Variants in CUX1 observed in about 807,000 individuals in gnomAD.
The protein encoded by CUX1 is cut like homeobox 1, also known as protein CASP.
In CUX1, 31 loss-of-function variants were observed where a neutral mutation model predicts 158.8. That is an observed-to-expected ratio of 0.20 (90% CI 0.15 to 0.26). CUX1 has a LOEUF of 0.26. Ranked by LOEUF, CUX1 falls within the 10% of genes least tolerant of loss-of-function variation. The pLI, the probability that CUX1 is intolerant of heterozygous loss-of-function variation, is 1.00. For synonymous variants in CUX1, 879 were observed against 862.1 expected, an observed-to-expected ratio of 1.02 and a Z score of -0.34; for missense variants, 1,589 against 2,014.6, an observed-to-expected ratio of 0.79 and a Z score of 4.04.
chr7:102,200,063 C>T lies in CUX1; in HGVS notation c.1961-8C>T, dbSNP rs781797718. The stretch of plus-strand genomic sequence containing the variant: ...GTTTGATGTCATTGGCGCAACTTCT[C>T]CCCACAGGTAACATCACCACCCGGA... On this transcript the variant is annotated splice_polypyrimidine_tract_variant and splice_region_variant and intron_variant, in intron 16 of 23. Coordinates refer to ENST00000292535, the MANE Select transcript of CUX1 (RefSeq NM_181552.4). The T allele has an allele frequency of 1.2e-6, 2 of 1,600,830 alleles. No individual in the cohort carries two copies. The highest frequency in any genetic ancestry group is 1.7e-6 in the Non-Finnish European group (2 of 1,175,212).
chr7:102,222,669 CTG>C (rs1797921677), intron 20 of CUX1, among the ~76,000 whole-genome samples: 1 of 151,976 alleles, frequency 6.6e-6, no homozygotes, highest in African/African-American at 2.4e-5. Flanking sequence ...TGTAGAAAAA[CTG>C]TGCCTGGGAA....
At chr7:102,176,212 A>T (rs1792307736) in intron 10 of CUX1, among the ~76,000 whole-genome samples, 1 of 152,214 alleles carries the variant, frequency 6.6e-6, no homozygotes. Flanking sequence ...CCCGAGGGAG[A>T]TATAAAACAT....
chr7:102,228,870 G>A (rs1015807199), intron 21 of CUX1, among the ~76,000 whole-genome samples: 12 of 152,140 alleles, frequency 7.9e-5, no homozygotes, highest in Admixed American at 7.2e-4. Context: ...GCGTCCACCC[G>A]GCAGTGCCAG....
chr7:102,208,791 C>T (rs949224836), intron 20 of CUX1, among the ~76,000 whole-genome samples: 1 of 152,214 alleles, frequency 6.6e-6, no homozygotes, highest in African/African-American at 2.4e-5. Flanking sequence ...ATGCTCCCTC[C>T]ATTGCTTGCC....
chr7:102,056,907 G>GTTT (rs35992811), intron 3 of CUX1, among the ~76,000 whole-genome samples: 6 of 142,910 alleles, frequency 4.2e-5, no homozygotes, highest in Non-Finnish European at 3.0e-5. Context: ...TTGTTTTCTG[G>GTTT]TTTTTTTTTT....
Position 102,255,834 on chromosome 7 carries a change from TTTA to T in CUX1, c.*6798_*6800del. 2 of 982,888 alleles carry T rather than the reference TTTA, an allele frequency of 2.0e-6. No homozygotes were observed. Among genetic ancestry groups the T allele is most frequent in the Non-Finnish European group, 1.2e-6 (1 of 827,680 alleles). The allele number at this position is 982,888 out of a possible 1,614,324, so 60.9% of individuals were successfully genotyped here. A position where few individuals can be genotyped will look rare whatever the true frequency, so the allele number is the denominator to read the frequency against. ...CCTTTTCCTTCTTCTTTTTTATTAT[TTTA>T]TTATTTTTTTTGTACTTTGCTTTAA... On this transcript the variant is annotated 3_prime_UTR_variant, in exon 24 of 24. Coordinates refer to ENST00000292535, the MANE Select transcript of CUX1 (RefSeq NM_181552.4).
At chr7:101,932,716 T>C in intron 2 of CUX1, 1 of 419,320 alleles carries the variant, frequency 2.4e-6, no homozygotes, top group Non-Finnish European at 4.9e-6. Flanking sequence ...AGGTATTTCA[T>C]ACGTATTTAA....
chr7:101,995,783 T>G (rs1815782137), intron 2 of CUX1, among the ~76,000 whole-genome samples: 1 of 152,140 alleles, frequency 6.6e-6, no homozygotes, highest in South Asian at 2.1e-4. Context: ...GGGAAGCAGC[T>G]TGCAGGAAGG....
At chr7:102,087,838 A>G (rs1321509021) in intron 4 of CUX1, among the ~76,000 whole-genome samples, 1 of 152,104 alleles carries the variant, frequency 6.6e-6, no homozygotes, top group Admixed American at 6.5e-5. Context: ...TCTATTTACC[A>G]TTTCCAGTGT....
intron 1 of CUX1, among the ~76,000 whole-genome samples, chr7:101,870,860 A>G (rs1798447170): frequency 6.6e-6 from 1 of 152,252 alleles, no homozygotes. Context: ...GAGTAATTTT[A>G]GAATAGATGC....
chr7:102,102,207 A>G (rs1288525872), intron 5 of CUX1, among the ~76,000 whole-genome samples: 2 of 151,480 alleles, frequency 1.3e-5, no homozygotes, highest in Non-Finnish European at 2.9e-5. Context: ...CCACCTCTCT[A>G]CGGAAAGCAC....
At chr7:101,971,333 G>C (rs113334899) in intron 2 of CUX1, among the ~76,000 whole-genome samples, 6 of 152,286 alleles carry the variant, frequency 3.9e-5, no homozygotes, top group African/African-American at 1.2e-4. Flanking sequence ...GACTGGGAGT[G>C]AGTGGGAACG....
At chr7:102,070,688 G>A (rs1826026485) in intron 4 of CUX1, among the ~76,000 whole-genome samples, 1 of 152,216 alleles carries the variant, frequency 6.6e-6, no homozygotes, top group African/African-American at 2.4e-5. Flanking sequence ...TGGGGCTACA[G>A]CATAAAACCC....
chr7:102,281,550 C>A (rs1792061012), intron 20 of CUX1, among the ~76,000 whole-genome samples: 1 of 152,116 alleles, frequency 6.6e-6, no homozygotes, highest in Non-Finnish European at 1.5e-5. Context: ...GTAATCCCAG[C>A]TACTCAGGAG....
intron 3 of CUX1, among the ~76,000 whole-genome samples, chr7:102,050,099 G>C (rs1823299261): frequency 6.6e-6 from 1 of 152,256 alleles, no homozygotes; most frequent in Non-Finnish European, 1.5e-5. Context: ...TTTCTCCTGG[G>C]TTCCTGCTTA....
intron 1 of CUX1, among the ~76,000 whole-genome samples, chr7:101,832,414 A>T (rs1024223403): frequency 6.6e-6 from 1 of 152,172 alleles, no homozygotes; most frequent in Non-Finnish European, 1.5e-5. Context: ...ACATCCAGCG[A>T]GCCCACTGTG....
chr7:102,018,484 GA>G (rs1180275994), intron 2 of CUX1, among the ~76,000 whole-genome samples: 1 of 152,234 alleles, frequency 6.6e-6, no homozygotes, highest in Admixed American at 6.5e-5. Flanking sequence ...ACTAGGCAGG[GA>G]AGATCCAGCC....
chr7:101,988,869 T>C (rs1447659909), intron 2 of CUX1, among the ~76,000 whole-genome samples: 2 of 151,976 alleles, frequency 1.3e-5, no homozygotes, highest in Non-Finnish European at 2.9e-5. Flanking sequence ...TGTGGTGGCA[T>C]GCACCTGTGG....
At chr7:102,181,304 A>G (rs576120935) in intron 11 of CUX1, among the ~76,000 whole-genome samples, 1 of 152,196 alleles carries the variant, frequency 6.6e-6, no homozygotes, top group Middle Eastern at 3.4e-3. Context: ...ACCAGGATTC[A>G]GTTTTTATTT....
Sources: gnomAD v4.1 joint callset for allele counts (sites outside exome capture counted in the v4.1 genomes callset) on GRCh38, gnomAD v4.1.1 for gene constraint, MANE v1.5 for transcripts, NCBI Gene and HGNC (gene_info 2026-07-23, HGNC 2026-07-21) for gene names.